The following ZNF277 variants were observed in gnomAD, a reference collection of about 807,000 sequenced individuals.
The protein encoded by ZNF277 is zinc finger protein 277.
In ZNF277, 55 loss-of-function variants were observed where a neutral mutation model predicts 60.7. That is an observed-to-expected ratio of 0.91 (90% CI 0.73 to 1.13). The LOEUF is 1.13. Among genes scored for constraint, ZNF277 ranks in the 50% most tolerant of loss-of-function variants. The pLI is 0.00. For missense variants in ZNF277, 510 were observed against 523.0 expected (o/e 0.98, Z 0.24); for synonymous variants, 178 against 179.3 (o/e 0.99, Z 0.06).
At chr7:112,313,484 A>G (rs1306918431) in intron 4 of ZNF277, among the ~76,000 whole-genome samples, 1 of 151,794 alleles carries the variant, frequency 6.6e-6, no homozygotes, top group African/African-American at 2.4e-5. Context: ...GGGTCTCCCT[A>G]TGTTGCCCAG....
chr7:112,257,767 T>C (rs1418755155), intron 1 of ZNF277, among the ~76,000 whole-genome samples: 2 of 152,172 alleles, frequency 1.3e-5, no homozygotes, highest in East Asian at 1.9e-4. Flanking sequence ...CCCAATGTTA[T>C]CACAATTTTC....
At chr7:112,318,304 G>A in intron 5 of ZNF277, 31 bp downstream of exon 5, 1 of 1,579,144 alleles carries the variant, frequency 6.3e-7, no homozygotes, top group South Asian at 1.1e-5. Flanking sequence ...AAATGTTACT[G>A]TTTTTAATCT....
intron 1 of ZNF277, among the ~76,000 whole-genome samples, chr7:112,252,207 T>C (rs1324936396): frequency 1.3e-5 from 2 of 152,222 alleles, no homozygotes; most frequent in African/African-American, 4.8e-5. Flanking sequence ...TAATGAAAGT[T>C]CCATTGATTT....
chr7:112,234,733 T>G (rs977833430), intron 1 of ZNF277, among the ~76,000 whole-genome samples: 1 of 151,980 alleles, frequency 6.6e-6, no homozygotes, highest in African/African-American at 2.4e-5. Context: ...TGACTATTAT[T>G]TATATTATAA....
At chr7:112,318,097 C>T in intron 4 of ZNF277, 85 bp from the exon 5 acceptor site, 1 of 1,087,940 alleles carries the variant, frequency 9.2e-7, no homozygotes, top group Admixed American at 1.9e-5. Context: ...GCTTCCAGCC[C>T]AGTTTCCTCC....
intron 1 of ZNF277, among the ~76,000 whole-genome samples, chr7:112,254,086 A>G (rs943465385): frequency 6.6e-6 from 1 of 152,222 alleles, no homozygotes; most frequent in Non-Finnish European, 1.5e-5. Flanking sequence ...AGAAATCAGT[A>G]TTTTGGAATC....
chr7:112,236,087 G>T (rs912550360), intron 1 of ZNF277, among the ~76,000 whole-genome samples: 1 of 151,920 alleles, frequency 6.6e-6, no homozygotes, highest in Non-Finnish European at 1.5e-5. Flanking sequence ...CTCTACCATT[G>T]ATCTATATTG....
chr7:112,208,848 T>G (rs1292481322), intron 1 of ZNF277, among the ~76,000 whole-genome samples: 1 of 151,880 alleles, frequency 6.6e-6, no homozygotes, highest in Non-Finnish European at 1.5e-5. Flanking sequence ...GCCCGGCTAG[T>G]TTTTTGTATT....
intron 1 of ZNF277, among the ~76,000 whole-genome samples, chr7:112,263,432 T>C (rs1276204934): frequency 6.6e-6 from 1 of 152,236 alleles, no homozygotes; most frequent in African/African-American, 2.4e-5. Flanking sequence ...ACTGCCTTCC[T>C]CATAGGACAT....
At chr7:112,282,157 T>G (rs1462660915) in intron 1 of ZNF277, among the ~76,000 whole-genome samples, 2 of 152,264 alleles carry the variant, frequency 1.3e-5, no homozygotes, top group East Asian at 3.8e-4. Flanking sequence ...ACTTAGTCCT[T>G]GACCTTAAGG....
At chr7:112,260,468 T>C (rs1791417661) in intron 1 of ZNF277, among the ~76,000 whole-genome samples, 1 of 152,242 alleles carries the variant, frequency 6.6e-6, no homozygotes, top group Admixed American at 6.5e-5. Flanking sequence ...TTCTGAGTAT[T>C]TTCCCATACT....
rs191089912 is a variant in ZNF277 at position 112,240,982 on chromosome 7, C to T, written c.91+34175C>T. Among the ~76,000 whole-genome samples, 6 of 152,048 alleles carry T rather than the reference C, an allele frequency of 3.9e-5. No individual in the cohort carries two copies. The East Asian group carries it at 1.2e-3, about 29-fold the overall frequency. ...TAGTATATCCCAAAAGCTCAGGCAA[C>T]CAAAGCAAAAATGGACAGATGGGAT... On this transcript the variant is annotated intron_variant, in intron 1 of 11. Coordinates refer to ENST00000361822, the MANE Select transcript of ZNF277 (RefSeq NM_021994.3).
At chr7:112,243,815 A>G (rs1021245481) in intron 1 of ZNF277, among the ~76,000 whole-genome samples, 1 of 152,150 alleles carries the variant, frequency 6.6e-6, no homozygotes, top group African/African-American at 2.4e-5. Context: ...ATTTACCCAA[A>G]GGAAAAGAAA....
chr7:112,297,666 T>C (rs963735894), intron 4 of ZNF277, among the ~76,000 whole-genome samples: 6 of 152,222 alleles, frequency 3.9e-5, no homozygotes, highest in African/African-American at 1.4e-4. Flanking sequence ...TCTCTCCTTA[T>C]AGCAGTGTCT....
intron 4 of ZNF277, among the ~76,000 whole-genome samples, chr7:112,297,709 A>G (rs1349763758): frequency 6.6e-6 from 1 of 152,196 alleles, no homozygotes; most frequent in African/African-American, 2.4e-5. Context: ...TAAATTTACT[A>G]TCATGTCTTA....
chr7:112,237,354 GA>G (rs1371323462), intron 1 of ZNF277, among the ~76,000 whole-genome samples: 1 of 151,680 alleles, frequency 6.6e-6, no homozygotes, highest in East Asian at 1.9e-4. Context: ...GCTAGCAGAA[GA>G]AAAGAAGTAA....
intron 1 of ZNF277, among the ~76,000 whole-genome samples, chr7:112,278,380 T>C (rs749514056): frequency 1.3e-5 from 2 of 152,178 alleles, no homozygotes; most frequent in Non-Finnish European, 2.9e-5. Context: ...CCCTAGAGTG[T>C]TTATTTTTAA....
intron 1 of ZNF277, among the ~76,000 whole-genome samples, chr7:112,256,948 A>G (rs558659593): frequency 6.7e-4 from 102 of 152,348 alleles, no homozygotes; most frequent in African/African-American, 2.4e-3. Context: ...AATACAAAAC[A>G]GTTCTATGTT....
chr7:112,257,148 A>G (rs984163585), intron 1 of ZNF277, among the ~76,000 whole-genome samples: 1 of 152,220 alleles, frequency 6.6e-6, no homozygotes, highest in African/African-American at 2.4e-5. Context: ...AATCAATACA[A>G]TATTACTTGC....
Sources: gnomAD v4.1 joint callset for allele counts (sites outside exome capture counted in the v4.1 genomes callset) on GRCh38, gnomAD v4.1.1 for gene constraint, MANE v1.5 for transcripts, NCBI Gene and HGNC (gene_info 2026-07-23, HGNC 2026-07-21) for gene names.